FGF12: variants seen among roughly 807,000 people sequenced by gnomAD.
The protein encoded by FGF12 is fibroblast growth factor 12B.
Under a neutral mutation model 23.6 loss-of-function variants are expected in FGF12, and 14 were observed. The ratio of observed to expected loss-of-function variants is 0.59; its 90% CI spans 0.39 to 0.93. The LOEUF (loss-of-function observed/expected upper bound fraction) is 0.93. Among genes scored for constraint, FGF12 ranks in the 40% least tolerant of loss-of-function variants. FGF12 has a pLI of 0.00. For synonymous variants in FGF12, 62 were observed against 77.3 expected (o/e 0.80, Z 1.04); for missense variants, 175 against 217.8 (o/e 0.80, Z 1.24).
intron 4 of FGF12, among the ~76,000 whole-genome samples, chr3:192,231,973 GT>G (rs1719046224): frequency 6.6e-6 from 1 of 152,238 alleles, no homozygotes; most frequent in Middle Eastern, 3.4e-3. Flanking sequence ...GGACTTCTAC[GT>G]TCATTTCATT....
chr3:192,175,620 T>C (rs1409430449), intron 4 of FGF12, among the ~76,000 whole-genome samples: 1 of 152,222 alleles, frequency 6.6e-6, no homozygotes, highest in Admixed American at 6.5e-5. Flanking sequence ...TTTTGTTCTA[T>C]CATGGTATAA....
At chr3:192,351,883 A>G (rs2108723487) in intron 3 of FGF12, among the ~76,000 whole-genome samples, 1 of 152,278 alleles carries the variant, frequency 6.6e-6, no homozygotes, top group African/African-American at 2.4e-5. Flanking sequence ...CAAAAGAAAC[A>G]AGAGTTGAGG....
At chr3:192,236,123 T>C (rs1393812579) in intron 4 of FGF12, among the ~76,000 whole-genome samples, 1 of 152,198 alleles carries the variant, frequency 6.6e-6, no homozygotes, top group Admixed American at 6.5e-5. Context: ...CACACAAAAG[T>C]CATTCAGGGG....
Position 192,276,691 on chromosome 3 carries a change from C to G in FGF12, c.228+58670G>C, listed in dbSNP as rs150723570. ...AAGGTGGGTGATAGAAACCAGAACC[C>G]CATTTCCCTGAAGCCAGCCAAAAAC... On this transcript the variant is annotated intron_variant, in intron 4 of 5. Transcript: ENST00000445105. Among the ~76,000 whole-genome samples the G allele has an allele frequency of 1.8e-3, 276 of 152,226 alleles. 1 individual carries two copies. Among genetic ancestry groups the G allele is most frequent in the Middle Eastern group, 0.017 (5 of 294 alleles).
intron 2 of FGF12, among the ~76,000 whole-genome samples, chr3:192,532,309 G>C (rs4312612): frequency 0.54 from 82,351 of 151,676 alleles, 22,833 homozygotes; most frequent in East Asian, 0.76. Flanking sequence ...CTTTCGATGG[G>C]GATTGAACTG....
At chr3:192,661,680 G>C (rs970677371) in intron 2 of FGF12, among the ~76,000 whole-genome samples, 11 of 152,154 alleles carry the variant, frequency 7.2e-5, no homozygotes, top group Admixed American at 3.9e-4. Flanking sequence ...TAGTGGAATA[G>C]AAATAATAAT....
intron 2 of FGF12, among the ~76,000 whole-genome samples, chr3:192,521,955 T>G (rs1372440918): frequency 6.6e-6 from 1 of 152,180 alleles, no homozygotes; most frequent in Non-Finnish European, 1.5e-5. Context: ...GACTTTTACT[T>G]TGGGAGGCCG....
rs527244371 is a variant in FGF12 at position 192,175,866 on chromosome 3, T to C, written c.229-5210A>G. On this transcript the variant is annotated intron_variant, in intron 4 of 5. Coordinates refer to ENST00000445105, the MANE Select transcript of FGF12 (RefSeq NM_004113.6). ...AGCTTCATAGTTTCATACTCTACCT[T>C]GATTCCTCTCCAACACTGAATTTCT... Among the ~76,000 whole-genome samples the C allele has an allele frequency of 1.3e-4, 20 of 152,232 alleles. No individual in the cohort carries two copies. The South Asian group carries it at 3.7e-3, about 28-fold the overall frequency.
At chr3:192,454,352 A>G (rs1249613884) in intron 2 of FGF12, among the ~76,000 whole-genome samples, 2 of 152,158 alleles carry the variant, frequency 1.3e-5, no homozygotes, top group South Asian at 2.1e-4. Context: ...CTCTCTTAAC[A>G]AGAAAGGCCT....
At chr3:192,565,399 T>C (rs1712229872) in intron 2 of FGF12, among the ~76,000 whole-genome samples, 1 of 152,226 alleles carries the variant, frequency 6.6e-6, no homozygotes, top group Non-Finnish European at 1.5e-5. Context: ...ATTTTATCTG[T>C]GTCAGAAATA....
chr3:192,213,800 T>C (rs543361836), intron 4 of FGF12, among the ~76,000 whole-genome samples: 1 of 152,340 alleles, frequency 6.6e-6, no homozygotes, highest in South Asian at 2.1e-4. Flanking sequence ...TTGTTCCTTA[T>C]TTCATGTAGC....
rs185950713 is a variant in FGF12 at position 192,550,805 on chromosome 3, G to A, written c.13+176376C>T. On this transcript the variant is annotated intron_variant, in intron 2 of 5. Coordinates refer to ENST00000445105, the MANE Select transcript of FGF12 (RefSeq NM_004113.6). ...AATATAATTCAATGAAGGTTTTGTA[G>A]AAGACTTAAAATGAAATTTTAAAAA... Among the ~76,000 whole-genome samples, 163 of 152,234 alleles carry A rather than the reference G, an allele frequency of 1.1e-3. 1 individual carries two copies. Among genetic ancestry groups the A allele is most frequent in the Non-Finnish European group, 1.9e-3 (131 of 68,012 alleles).
chr3:192,476,444 T>A (rs187696968), intron 2 of FGF12, among the ~76,000 whole-genome samples: 37 of 152,304 alleles, frequency 2.4e-4, no homozygotes, highest in African/African-American at 7.9e-4. Context: ...GAATTACTCA[T>A]CATTTTACCA....
chr3:192,439,950 TA>T (rs1722152993), intron 2 of FGF12, among the ~76,000 whole-genome samples: 1 of 142,674 alleles, frequency 7.0e-6, no homozygotes, highest in African/African-American at 2.7e-5. Context: ...CATTCCAGCC[TA>T]GGTGACAGAG....
intron 2 of FGF12, among the ~76,000 whole-genome samples, chr3:192,701,137 A>G (rs536671495): frequency 1.3e-5 from 2 of 152,238 alleles, no homozygotes; most frequent in African/African-American, 4.8e-5. Flanking sequence ...ACAACCCTTT[A>G]TCTTAACCCA....
At chr3:192,454,883 C>T (rs1264548959) in intron 2 of FGF12, among the ~76,000 whole-genome samples, 1 of 152,172 alleles carries the variant, frequency 6.6e-6, no homozygotes, top group Non-Finnish European at 1.5e-5. Context: ...ATAAGACGGA[C>T]ATTACAAGGC....
Position 192,468,492 on chromosome 3 carries a change from A to G in FGF12, c.14-107954T>C, listed in dbSNP as rs181637533. ...AGTATACTGATGGGTTATTTTGTAG[A>G]CTGTCTCACAATTTAGGGTTGTCTG... On this transcript the variant is annotated intron_variant, in intron 2 of 5. Transcript: ENST00000445105. Among the ~76,000 whole-genome samples the G allele has an allele frequency of 2.3e-3, 347 of 152,234 alleles. 1 individual carries two copies. Among genetic ancestry groups the G allele is most frequent in the Non-Finnish European group, 2.7e-3 (186 of 68,006 alleles).
At chr3:192,582,622 A>C (rs1464784939) in intron 2 of FGF12, among the ~76,000 whole-genome samples, 1 of 152,092 alleles carries the variant, frequency 6.6e-6, no homozygotes, top group African/African-American at 2.4e-5. Flanking sequence ...AACTAAGTAG[A>C]ATTTCAGTCC....
At chr3:192,556,363 G>A (rs922514113) in intron 2 of FGF12, among the ~76,000 whole-genome samples, 3 of 151,976 alleles carry the variant, frequency 2.0e-5, no homozygotes, top group African/African-American at 7.2e-5. Context: ...AGAGAATCAT[G>A]GTAACCATAT....
Sources: gnomAD v4.1 joint callset for allele counts (sites outside exome capture counted in the v4.1 genomes callset) on GRCh38, gnomAD v4.1.1 for gene constraint, MANE v1.5 for transcripts, NCBI Gene and HGNC (gene_info 2026-07-23, HGNC 2026-07-21) for gene names.